The following SLCO5A1 variants were observed in gnomAD, a reference collection of about 807,000 sequenced individuals.
The protein encoded by SLCO5A1 is solute carrier organic anion transporter family member 5A1.
In SLCO5A1, 39 loss-of-function variants were observed where a neutral mutation model predicts 65.1. The observed-to-expected ratio is 0.60, with a 90% CI of 0.46 to 0.78. The LOEUF (loss-of-function observed/expected upper bound fraction) is 0.78, where lower values mean the gene tolerates loss of function less well. SLCO5A1 is among the 30% of genes least tolerant of loss of function. The pLI is 0.00. For synonymous variants in SLCO5A1, 438 were observed against 415.7 expected (o/e 1.05, Z -0.65); for missense variants, 1,029 against 1,069.4 (o/e 0.96, Z 0.53).
Position 69,760,430 on chromosome 8 carries a change from C to G in SLCO5A1, c.1040+1313G>C, listed in dbSNP as rs530538464. On this transcript the variant is annotated intron_variant, in intron 3 of 9. Transcript: ENST00000260126. ...AATATCTGTTAGCTGCTTTGAAAAT[C>G]AATAGTGTTAAACATTATTCCTACC... Among the ~76,000 whole-genome samples the G allele has an allele frequency of 2.0e-5, 3 of 152,154 alleles. No homozygotes were observed. The South Asian group carries it at 6.3e-4, about 32-fold the overall frequency.
chr8:69,743,339 G>A (rs1162692789), intron 4 of SLCO5A1, among the ~76,000 whole-genome samples: 2 of 152,110 alleles, frequency 1.3e-5, no homozygotes, highest in African/African-American at 4.8e-5. Flanking sequence ...TTTGATGAAG[G>A]TCTTTATTTT....
intron 6 of SLCO5A1, among the ~76,000 whole-genome samples, chr8:69,683,697 G>A (rs892712950): frequency 1.3e-5 from 2 of 151,952 alleles, no homozygotes; most frequent in Non-Finnish European, 2.9e-5. Flanking sequence ...CGAGTGGCTG[G>A]GATTACAGGC....
Position 69,739,862 on chromosome 8 carries a change from T to C in SLCO5A1, c.1259-1658A>G, listed in dbSNP as rs143527738. Among the ~76,000 whole-genome samples, 10 of 152,264 alleles carry C rather than the reference T, an allele frequency of 6.6e-5. No individual in the cohort carries two copies. The East Asian group carries it at 1.9e-3, about 29-fold the overall frequency. Reference sequence around the variant, plus strand: ...TATCCAAAATTTAGAACTTAGAAAGTTAAGATTACCTATCAACATTTAAAG... The same window carrying C: ...TATCCAAAATTTAGAACTTAGAAAGCTAAGATTACCTATCAACATTTAAAG... On this transcript the variant is annotated intron_variant, in intron 4 of 9. Coordinates refer to ENST00000260126, the MANE Select transcript of SLCO5A1 (RefSeq NM_030958.3).
At chr8:69,675,759 A>C (rs1813521878) in intron 9 of SLCO5A1, among the ~76,000 whole-genome samples, 1 of 152,196 alleles carries the variant, frequency 6.6e-6, no homozygotes, top group Admixed American at 6.5e-5. Context: ...GAAATAAGAA[A>C]TTTGAATCAA....
At chr8:69,690,037 G>A (rs11778715) in intron 6 of SLCO5A1, among the ~76,000 whole-genome samples, 17,305 of 144,166 alleles carry the variant, frequency 0.12, 1,248 homozygotes, top group Non-Finnish European at 0.17. Flanking sequence ...ACCCCGCCCC[G>A]CCCCTTTGCG....
chr8:69,714,069 C>T (rs1815399623), intron 5 of SLCO5A1, among the ~76,000 whole-genome samples: 1 of 152,232 alleles, frequency 6.6e-6, no homozygotes, highest in Non-Finnish European at 1.5e-5. Context: ...TACATTCTCA[C>T]AAACTATAAA....
Position 69,735,645 on chromosome 8 carries a change from A to G in SLCO5A1, c.1423+2395T>C, listed in dbSNP as rs113774717. Among the ~76,000 whole-genome samples the G allele has an allele frequency of 2.9e-3, 436 of 152,274 alleles. 2 individuals are homozygous for G. Among genetic ancestry groups the G allele is most frequent in the African/African-American group, 9.7e-3 (401 of 41,552 alleles). On this transcript the variant is annotated intron_variant, in intron 5 of 9. Coordinates refer to ENST00000260126, the MANE Select transcript of SLCO5A1 (RefSeq NM_030958.3). ...AGAACACATAGATACATGGAGGGGA[A>G]CAACACACACTGGGGTCTGTTGTGG...
In SLCO5A1 at chr8:69,672,578, C is replaced by A. The variant is rs1367678980; in HGVS notation, c.*291G>T. 3 of 348,374 alleles carry A rather than the reference C, an allele frequency of 8.6e-6. No individual in the cohort carries two copies. Among genetic ancestry groups the A allele is most frequent in the Non-Finnish European group, 1.0e-5 (2 of 191,766 alleles). 21.6% of individuals were successfully genotyped at this position (348,374 alleles called of 1,614,324 possible). On this transcript the variant is annotated 3_prime_UTR_variant, in exon 10 of 10. Coordinates refer to ENST00000260126, the MANE Select transcript of SLCO5A1 (RefSeq NM_030958.3). ...TTCCCCTTCCCATGGTTTTGCTAACCGTGTACCTCAGCCTGTACCGTAGGG... is the reference window on the plus strand; with the variant it reads ...TTCCCCTTCCCATGGTTTTGCTAACAGTGTACCTCAGCCTGTACCGTAGGG...
At chr8:69,739,246 C>T (rs1816697405) in intron 4 of SLCO5A1, among the ~76,000 whole-genome samples, 1 of 152,170 alleles carries the variant, frequency 6.6e-6, no homozygotes, top group African/African-American at 2.4e-5. Flanking sequence ...ACTCATCCTA[C>T]AGCCTCTTGT....
chr8:69,755,974 T>G (rs1464592047), intron 3 of SLCO5A1, among the ~76,000 whole-genome samples: 1 of 152,242 alleles, frequency 6.6e-6, no homozygotes, highest in Admixed American at 6.5e-5. Context: ...GATAAATCCC[T>G]AAATTATAAA....
intron 5 of SLCO5A1, among the ~76,000 whole-genome samples, chr8:69,728,225 C>T (rs35968315): frequency 0.014 from 2,147 of 151,720 alleles, 31 homozygotes; most frequent in Middle Eastern, 0.041. Flanking sequence ...ATATTGCATA[C>T]GTAATACATG....
At chr8:69,825,561 C>A (rs1387381856) in intron 2 of SLCO5A1, among the ~76,000 whole-genome samples, 7 of 152,106 alleles carry the variant, frequency 4.6e-5, no homozygotes, top group Non-Finnish European at 1.0e-4. Context: ...ACCTAGGAAT[C>A]CAACTTACAA....
intron 4 of SLCO5A1, 127 bp downstream of exon 4, chr8:69,755,295 AAC>A (rs1817490490): frequency 1.7e-6 from 1 of 580,546 alleles, no homozygotes; most frequent in African/African-American, 1.9e-5. Context: ...AGAGTTTTGC[AAC>A]ACTTACTCTC....
At chr8:69,826,438 AAAAC>A (rs1820918610) in intron 2 of SLCO5A1, among the ~76,000 whole-genome samples, 1 of 152,096 alleles carries the variant, frequency 6.6e-6, no homozygotes, top group South Asian at 2.1e-4. Context: ...TTACAAGAAA[AAAAC>A]AAACAACCCC....
intron 2 of SLCO5A1, among the ~76,000 whole-genome samples, chr8:69,768,854 A>G (rs139272493): frequency 3.3e-5 from 5 of 152,132 alleles, no homozygotes; most frequent in Admixed American, 3.3e-4. Flanking sequence ...CTGAAGCCAT[A>G]TCATTCCTCT....
At chr8:69,731,526 G>A (rs1816336901) in intron 5 of SLCO5A1, among the ~76,000 whole-genome samples, 1 of 152,142 alleles carries the variant, frequency 6.6e-6, no homozygotes, top group African/African-American at 2.4e-5. Flanking sequence ...CCTGCCACAT[G>A]GTAGACACCC....
At chr8:69,692,065 A>G (rs572724197) in intron 6 of SLCO5A1, among the ~76,000 whole-genome samples, 104 of 152,270 alleles carry the variant, frequency 6.8e-4, no homozygotes, top group African/African-American at 2.0e-3. Flanking sequence ...TGGCTAACAC[A>G]GTGAAACCCT....
intron 6 of SLCO5A1, among the ~76,000 whole-genome samples, chr8:69,702,058 G>T (rs1315717487): frequency 6.6e-6 from 1 of 152,158 alleles, no homozygotes; most frequent in Non-Finnish European, 1.5e-5. Flanking sequence ...CAGCTAAAAA[G>T]AATTTAAAAT....
In SLCO5A1 at chr8:69,682,195, G is replaced by C; in HGVS notation, c.1771C>G (p.Leu591Val). ...CLAGCVNSGNLSTGIRNYTEC... is the reference protein window; with the variant it reads ...CLAGCVNSGNVSTGIRNYTEC... ...TGAAATATACTCACCCCAGTGCTAA[G>C]ATTACCACTATTAACACAGCCAGCC... is the stretch of plus-strand genomic sequence containing the variant. The change falls in exon 7 of 10, where the codon CTT becomes GTT. Residue 591 changes from leucine to valine, a missense_variant. Physicochemically the swap from Leu to Val is conservative, Grantham distance 32 (BLOSUM62 1). Transcript: ENST00000260126. The C allele has an allele frequency of 6.2e-7, 1 of 1,610,632 alleles. No homozygotes were observed. Among genetic ancestry groups the C allele is most frequent in the South Asian group, 1.1e-5 (1 of 90,358 alleles).
Sources: allele counts gnomAD v4.1 joint callset (sites outside exome capture counted in the v4.1 genomes callset), GRCh38; gene constraint gnomAD v4.1.1; transcripts MANE v1.5; gene names NCBI Gene and HGNC (gene_info 2026-07-23, HGNC 2026-07-21).